The following ERBB4 variants were observed in gnomAD, a reference collection of about 807,000 sequenced individuals.
The protein encoded by ERBB4 is receptor tyrosine-protein kinase erbB-4.
Under a neutral mutation model 158.0 loss-of-function variants are expected in ERBB4, and 42 were observed. The observed-to-expected ratio is 0.27, with a 90% CI of 0.21 to 0.34. The LOEUF (loss-of-function observed/expected upper bound fraction) is 0.34. Ranked by LOEUF, ERBB4 falls within the 10% of genes least tolerant of loss-of-function variation. The probability of loss-of-function intolerance (pLI) is 1.00; values close to 1 mark genes in which losing one functional copy is unlikely to be tolerated. For missense variants in ERBB4, 1,333 were observed against 1,624.1 expected (o/e 0.82, Z 3.08); for synonymous variants, 583 against 558.7 (o/e 1.04, Z -0.61).
intron 1 of ERBB4, among the ~76,000 whole-genome samples, chr2:212,425,356 A>T (rs966152267): frequency 3.4e-5 from 5 of 148,244 alleles, no homozygotes; most frequent in Admixed American, 6.8e-5. Context: ...ATATGAACAT[A>T]TATGTATATG....
chr2:211,592,628 A>T (rs1417344993), intron 19 of ERBB4, among the ~76,000 whole-genome samples: 1 of 152,200 alleles, frequency 6.6e-6, no homozygotes, highest in East Asian at 1.9e-4. Context: ...GTTAAACTAG[A>T]TGAAAGAAAG....
intron 1 of ERBB4, among the ~76,000 whole-genome samples, chr2:212,219,999 T>C (rs1254985235): frequency 6.8e-6 from 1 of 147,662 alleles, no homozygotes; most frequent in African/African-American, 2.5e-5. Context: ...TTGCCAGAGG[T>C]GAAGGAAATT....
chr2:211,629,995 T>C (rs1231411313), intron 17 of ERBB4, among the ~76,000 whole-genome samples: 1 of 152,200 alleles, frequency 6.6e-6, no homozygotes, highest in African/African-American at 2.4e-5. Flanking sequence ...GGGCAAGGAC[T>C]TCATGTCTAA....
chr2:211,734,504 G>T (rs13015253), intron 5 of ERBB4, among the ~76,000 whole-genome samples: 47,236 of 150,246 alleles, frequency 0.31, 10,886 homozygotes, highest in African/African-American at 0.63. Flanking sequence ...AATATGTATA[G>T]AAAAATGTTC....
chr2:212,485,935 A>G (rs1280312175), intron 1 of ERBB4, among the ~76,000 whole-genome samples: 1 of 152,056 alleles, frequency 6.6e-6, no homozygotes, highest in Non-Finnish European at 1.5e-5. Flanking sequence ...AAAAGGCCCC[A>G]TCTCCTAATA....
At chr2:212,427,917 C>T (rs2091949363) in intron 1 of ERBB4, among the ~76,000 whole-genome samples, 2 of 152,094 alleles carry the variant, frequency 1.3e-5, no homozygotes, top group Admixed American at 6.6e-5. Context: ...AGGGCAAATG[C>T]AAATTCTGCA....
chr2:212,238,886 G>A (rs1215865357), intron 1 of ERBB4, among the ~76,000 whole-genome samples: 1 of 151,548 alleles, frequency 6.6e-6, no homozygotes, highest in Non-Finnish European at 1.5e-5. Flanking sequence ...TGTAATATTC[G>A]GGTCTTATGT....
At chr2:212,496,763 T>G (rs1690597401) in intron 1 of ERBB4, among the ~76,000 whole-genome samples, 1 of 152,218 alleles carries the variant, frequency 6.6e-6, no homozygotes, top group Non-Finnish European at 1.5e-5. Context: ...ATTACTTTGA[T>G]GGAAAATAAT....
chr2:211,921,160 A>C (rs2079848944), intron 3 of ERBB4, among the ~76,000 whole-genome samples: 1 of 152,058 alleles, frequency 6.6e-6, no homozygotes, highest in Admixed American at 6.6e-5. Flanking sequence ...ACTACAAATT[A>C]CTAAGATTGG....
chr2:212,162,031 A>G (rs886431794), intron 1 of ERBB4, among the ~76,000 whole-genome samples: 3 of 151,836 alleles, frequency 2.0e-5, no homozygotes, highest in Non-Finnish European at 4.4e-5. Flanking sequence ...ATAGTCTACT[A>G]ATTTCACATA....
intron 1 of ERBB4, among the ~76,000 whole-genome samples, chr2:212,242,556 T>C (rs11896691): frequency 1.3e-5 from 2 of 151,936 alleles, no homozygotes; most frequent in South Asian, 2.1e-4. Context: ...GAGGTGAAAA[T>C]GTAGCTTAAT....
intron 3 of ERBB4, among the ~76,000 whole-genome samples, chr2:211,895,610 A>T (rs1051985587): frequency 6.6e-6 from 1 of 152,098 alleles, no homozygotes; most frequent in Non-Finnish European, 1.5e-5. Flanking sequence ...CTCTTTAGAC[A>T]ACAGCATACA....
At chr2:212,365,304 C>T (rs1041593735) in intron 1 of ERBB4, among the ~76,000 whole-genome samples, 2 of 151,544 alleles carry the variant, frequency 1.3e-5, no homozygotes, top group African/African-American at 2.4e-5. Flanking sequence ...CATTGACTAA[C>T]GTTCTTTACA....
chr2:212,124,292 A>G (rs2125568995), intron 2 of ERBB4, among the ~76,000 whole-genome samples: 1 of 152,302 alleles, frequency 6.6e-6, no homozygotes, highest in East Asian at 1.9e-4. Flanking sequence ...TTTCAAAACC[A>G]GATGCTTTTC....
intron 2 of ERBB4, among the ~76,000 whole-genome samples, chr2:212,027,627 C>T (rs1189111652): frequency 6.9e-6 from 1 of 144,686 alleles, no homozygotes; most frequent in African/African-American, 2.5e-5. Flanking sequence ...TCACTTTACA[C>T]CTCTGTTGAT....
chr2:211,605,433 C>T (rs938818572), intron 19 of ERBB4, among the ~76,000 whole-genome samples: 10 of 152,238 alleles, frequency 6.6e-5, no homozygotes, highest in African/African-American at 2.4e-4. Flanking sequence ...AGAGTTCTCA[C>T]CCACTGTGCA....
At chr2:212,321,663 T>G (rs2087573000) in intron 1 of ERBB4, among the ~76,000 whole-genome samples, 1 of 150,596 alleles carries the variant, frequency 6.6e-6, no homozygotes, top group African/African-American at 2.4e-5. Context: ...CACTCCAGCC[T>G]GGGCAAGAGA....
chr2:212,292,824 T>C (rs1268290385), intron 1 of ERBB4, among the ~76,000 whole-genome samples: 1 of 152,100 alleles, frequency 6.6e-6, no homozygotes, highest in Admixed American at 6.6e-5. Flanking sequence ...TGAAAGTTCA[T>C]GTATCAATTA....
intron 1 of ERBB4, among the ~76,000 whole-genome samples, chr2:212,170,853 G>A (rs1353220584): frequency 5.3e-5 from 8 of 152,130 alleles, no homozygotes; most frequent in Non-Finnish European, 1.0e-4. Flanking sequence ...TTCACAGGTA[G>A]AGACCTCATG....
Sources: gnomAD v4.1 joint callset for allele counts (sites outside exome capture counted in the v4.1 genomes callset) on GRCh38, gnomAD v4.1.1 for gene constraint, MANE v1.5 for transcripts, NCBI Gene and HGNC (gene_info 2026-07-23, HGNC 2026-07-21) for gene names.